Variants in NELL1 observed in about 807,000 individuals in gnomAD.
NELL1 encodes neural EGFL like 1.
A neutral mutation model predicts 107.4 loss-of-function variants in NELL1; 76 were observed. That is an observed-to-expected ratio of 0.71 (90% CI 0.59 to 0.86). The LOEUF is 0.86. Among genes scored for constraint, NELL1 ranks in the 40% least tolerant of loss-of-function variants. NELL1 has a pLI of 0.00. For synonymous variants in NELL1, 353 were observed against 341.2 expected (o/e 1.03, Z -0.38); for missense variants, 1,024 against 1,005.5 (o/e 1.02, Z -0.25).
Position 21,513,299 on chromosome 11 carries a change from CTCTTA to C in NELL1, c.1646-21073_1646-21069del, listed in dbSNP as rs371908189. On this transcript the variant is annotated intron_variant, in intron 15 of 19. Coordinates refer to ENST00000357134, the MANE Select transcript of NELL1 (RefSeq NM_006157.5). ...GAAAAGCCAAATGCAAACTGTTCTT[CTCTTA>C]TAAGTGTGTTTATTTTTTTCCAAAA... Among the ~76,000 whole-genome samples the C allele has an allele frequency of 1.3e-3, 196 of 152,228 alleles. 1 individual carries two copies. The highest frequency in any genetic ancestry group is 3.4e-3 in the Middle Eastern group (1 of 294).
At chr11:21,290,394 AATAG>A (rs1237948052) in intron 14 of NELL1, among the ~76,000 whole-genome samples, 208 of 87,288 alleles carry the variant, frequency 2.4e-3, no homozygotes, top group African/African-American at 6.3e-3. Context: ...AAATAAAATA[AATAG>A]ATAAATAAAT....
intron 4 of NELL1, among the ~76,000 whole-genome samples, chr11:20,852,623 G>A (rs754951418): frequency 2.6e-5 from 4 of 152,226 alleles, no homozygotes; most frequent in South Asian, 2.1e-4. Flanking sequence ...TGTAGTATGC[G>A]GAGGGAAATT....
intron 2 of NELL1, among the ~76,000 whole-genome samples, chr11:20,762,054 C>A (rs934231126): frequency 2.0e-5 from 3 of 152,192 alleles, no homozygotes; most frequent in African/African-American, 7.2e-5. Context: ...TAAAGTTGCC[C>A]ACTTTGTGGA....
At chr11:20,676,278 C>A (rs926874176) in intron 1 of NELL1, among the ~76,000 whole-genome samples, 1 of 149,906 alleles carries the variant, frequency 6.7e-6, no homozygotes, top group African/African-American at 2.5e-5. Flanking sequence ...GCTTTCTATC[C>A]CATTACTCTA....
intron 12 of NELL1, among the ~76,000 whole-genome samples, chr11:20,991,587 A>C (rs1455638578): frequency 6.6e-6 from 1 of 152,198 alleles, no homozygotes; most frequent in Non-Finnish European, 1.5e-5. Context: ...CTACATAACA[A>C]TAAAACAACA....
chr11:20,927,327 G>T lies in NELL1; in HGVS notation c.779G>T (p.Arg260Ile). ...TTGCAGCTAAATTATGCAGAGACAA[G>T]ACTTAGTCAATTGGAAAACTGTCAT... The part of the protein sequence containing the change: ...MTAKLNYAET[R>I]LSQLENCHCE... The change falls in exon 8 of 20, where the codon AGA becomes ATA. Residue 260 changes from arginine (R) to isoleucine (I), a missense_variant. Arg to Ile is a moderately conservative substitution (Grantham distance 97). Coordinates refer to ENST00000357134, the MANE Select transcript of NELL1 (RefSeq NM_006157.5). 6.2e-7 allele frequency: 1 copy of T among 1,612,158 alleles called. No homozygotes were observed. The highest frequency in any genetic ancestry group is 1.1e-5 in the South Asian group (1 of 90,396).
chr11:21,250,246 A>G (rs1858603614), intron 14 of NELL1, among the ~76,000 whole-genome samples: 1 of 152,110 alleles, frequency 6.6e-6, no homozygotes, highest in Non-Finnish European at 1.5e-5. Context: ...TAGAGGAGTA[A>G]TTTGCAGTTA....
rs116151434 is a variant in NELL1, at chr11:21,384,878, C to A, written c.1645+13930C>A. Among the ~76,000 whole-genome samples, 672 of 151,954 alleles carry A rather than the reference C, an allele frequency of 4.4e-3. 5 individuals carry two copies. The highest frequency in any genetic ancestry group is 0.015 in the African/African-American group (639 of 41,492). On this transcript the variant is annotated intron_variant, in intron 15 of 19. Coordinates refer to ENST00000357134, the MANE Select transcript of NELL1 (RefSeq NM_006157.5). ...ACATTTGGGTTGGTTCCAATGTCTT[C>A]TTCATTTTCATAAAACATGTCAGTT...
In NELL1 at chr11:21,550,133, T is replaced by G. The variant is rs540989526; in HGVS notation, c.1787-10056T>G. 3.3e-5 allele frequency among the ~76,000 whole-genome samples: 5 copies of G among 151,978 alleles called. No individual in the cohort carries two copies. In the East Asian group the frequency reaches 9.8e-4, roughly 30 times the overall value. On this transcript the variant is annotated intron_variant, in intron 16 of 19. Transcript: ENST00000357134. ...TAAATTATTTTGGCAGCCTTTACCT[T>G]TTCCAGGCAGAAACTTTTGGGGTTT... is the stretch of plus-strand genomic sequence containing the variant.
intron 2 of NELL1, among the ~76,000 whole-genome samples, chr11:20,689,270 C>CT (rs57677348): frequency 6.6e-6 from 1 of 151,302 alleles, no homozygotes; most frequent in Non-Finnish European, 1.5e-5. Context: ...TGCAGAAGCC[C>CT]TTTTTTTATT....
At chr11:21,369,472 T>A (rs1851308938) in intron 14 of NELL1, among the ~76,000 whole-genome samples, 1 of 151,056 alleles carries the variant, frequency 6.6e-6, no homozygotes, top group South Asian at 2.1e-4. Context: ...GCAGAGGAAG[T>A]TGAAATTAAT....
chr11:20,798,529 C>T (rs1301268526), intron 3 of NELL1, among the ~76,000 whole-genome samples: 1 of 152,116 alleles, frequency 6.6e-6, no homozygotes, highest in East Asian at 1.9e-4. Context: ...TCTTTGACAT[C>T]CTTTGGAATT....
Position 20,730,069 on chromosome 11 carries a change from G to A in NELL1, c.184+52009G>A, listed in dbSNP as rs114382614. Among the ~76,000 whole-genome samples, 687 of 152,248 alleles carry A rather than the reference G, an allele frequency of 4.5e-3. 6 individuals carry two copies. The highest frequency in any genetic ancestry group is 0.015 in the African/African-American group (632 of 41,550). On this transcript the variant is annotated intron_variant, in intron 2 of 19. Coordinates refer to ENST00000357134, the MANE Select transcript of NELL1 (RefSeq NM_006157.5). ...ATAGGACCTTAGACACAGCTTCCCC[G>A]TTGAAACAAATAATCAAAGAGGACT...
In NELL1 at chr11:21,360,370, A is replaced by G. The variant is rs186266853; in HGVS notation, c.1550-10483A>G. Among the ~76,000 whole-genome samples the G allele has an allele frequency of 2.9e-4, 44 of 152,242 alleles. 1 individual carries two copies. The East Asian group carries it at 4.8e-3, about 17-fold the overall frequency. On this transcript the variant is annotated intron_variant, in intron 14 of 19. Transcript: ENST00000357134. ...TGAGAGGATACTTGATATAATTTCA[A>G]TTTTTAAAAATGTATTGAAACTTGT...
intron 13 of NELL1, chr11:21,169,953 C>G: frequency 1.4e-6 from 2 of 1,453,700 alleles, no homozygotes; most frequent in Non-Finnish European, 1.9e-6. Context: ...ACCAAGAGCC[C>G]TCTCTTTGTA....
chr11:21,011,971 A>G (rs1852456285), intron 12 of NELL1, among the ~76,000 whole-genome samples: 1 of 152,088 alleles, frequency 6.6e-6, no homozygotes, highest in African/African-American at 2.4e-5. Context: ...AAGTGTAGAA[A>G]ACTATTTTCT....
chr11:20,930,041 A>C (rs1225500095), intron 9 of NELL1, among the ~76,000 whole-genome samples: 2 of 151,818 alleles, frequency 1.3e-5, no homozygotes, highest in African/African-American at 4.8e-5. Context: ...TTAGTCTATT[A>C]TTTAGAGTTC....
chr11:21,550,959 C>T (rs1302773197), intron 16 of NELL1, among the ~76,000 whole-genome samples: 1 of 151,196 alleles, frequency 6.6e-6, no homozygotes, highest in Admixed American at 6.6e-5. Context: ...GATGTTGATT[C>T]TTCCTACCCA....
At chr11:21,161,174 C>G (rs1259612605) in intron 13 of NELL1, among the ~76,000 whole-genome samples, 2 of 152,126 alleles carry the variant, frequency 1.3e-5, no homozygotes, top group Non-Finnish European at 2.9e-5. Flanking sequence ...CCTCTGTGAT[C>G]AAAGAATCTC....
Sources: gnomAD v4.1 joint callset for allele counts (sites outside exome capture counted in the v4.1 genomes callset) on GRCh38, gnomAD v4.1.1 for gene constraint, MANE v1.5 for transcripts, NCBI Gene and HGNC (gene_info 2026-07-23, HGNC 2026-07-21) for gene names.